The following RALGPS1 variants were observed in gnomAD, a reference collection of about 807,000 sequenced individuals.
RALGPS1 encodes the protein Ral GEF with PH domain and SH3 binding motif 1.
A neutral mutation model predicts 78.8 loss-of-function variants in RALGPS1; 19 were observed. That is an observed-to-expected ratio of 0.24 (90% CI 0.17 to 0.35). The LOEUF is 0.35. Among genes scored for constraint, RALGPS1 ranks in the 10% least tolerant of loss-of-function variants. The pLI, the probability that RALGPS1 is intolerant of heterozygous loss-of-function variation, is 1.00. For synonymous variants in RALGPS1, 228 were observed against 256.3 expected, an observed-to-expected ratio of 0.89 and a Z score of 1.06; for missense variants, 454 against 688.3, an observed-to-expected ratio of 0.66 and a Z score of 3.81.
At chr9:126,996,586 C>G (rs990850281) in intron 4 of RALGPS1, among the ~76,000 whole-genome samples, 59 of 152,230 alleles carry the variant, frequency 3.9e-4, no homozygotes, top group Non-Finnish European at 3.4e-4. Context: ...GATTCACAGC[C>G]GAATTCTACC....
intron 8 of RALGPS1, among the ~76,000 whole-genome samples, chr9:127,096,413 C>T (rs1270131101): frequency 1.3e-5 from 2 of 152,186 alleles, no homozygotes; most frequent in Admixed American, 1.3e-4. Context: ...CAAAATAACG[C>T]CCACTGAGAG....
intron 5 of RALGPS1, among the ~76,000 whole-genome samples, chr9:127,048,834 G>GA (rs1184974229): frequency 1.3e-5 from 2 of 152,042 alleles, no homozygotes; most frequent in African/African-American, 2.4e-5. Flanking sequence ...CAATTCCTTG[G>GA]AAAAAAATGA....
At position 127,201,231 on chromosome 9, in the gene RALGPS1, A is replaced by G. The variant is rs180672472; in HGVS notation, c.1247+2165A>G. Among the ~76,000 whole-genome samples, 161 of 152,344 alleles carry G rather than the reference A, an allele frequency of 1.1e-3. 1 individual carries two copies. The highest frequency in any genetic ancestry group is 3.4e-3 in the Middle Eastern group (1 of 294). ...GGGATCTCTTCCAAGCACTGGTCTCATGGCTGGCGCAGATGCCCGGCTCTG... is the reference window on the plus strand; with the variant it reads ...GGGATCTCTTCCAAGCACTGGTCTCGTGGCTGGCGCAGATGCCCGGCTCTG... On this transcript the variant is annotated intron_variant, in intron 14 of 18. Transcript: ENST00000259351.
In RALGPS1 at chr9:127,093,792, C is replaced by T. The variant is rs144644108; in HGVS notation, c.610+24436C>T. The T allele has an allele frequency of 6.6e-5, 107 of 1,613,960 alleles. No individual in the cohort carries two copies. Among genetic ancestry groups the T allele is most frequent in the Middle Eastern group, 3.3e-4 (2 of 6,084 alleles). ...GAGCCATCCAGGCGTCTCTGGATGACGGTCCAGCCCCCGGGGTCGTGTCTC... is the reference window on the plus strand; with the variant it reads ...GAGCCATCCAGGCGTCTCTGGATGATGGTCCAGCCCCCGGGGTCGTGTCTC... On this transcript the variant is annotated intron_variant, in intron 8 of 18. Transcript: ENST00000259351.
intron 8 of RALGPS1, among the ~76,000 whole-genome samples, chr9:127,077,499 G>T (rs2136054514): frequency 6.6e-6 from 1 of 152,358 alleles, no homozygotes; most frequent in Non-Finnish European, 1.5e-5. Context: ...AGCCAAGGAT[G>T]CGGCAGAGCT....
chr9:127,124,564 G>C (rs1355934566), intron 8 of RALGPS1, among the ~76,000 whole-genome samples: 11 of 152,174 alleles, frequency 7.2e-5, no homozygotes, highest in African/African-American at 2.4e-4. Flanking sequence ...TAAGATGGTG[G>C]TTTTAGGCCG....
intron 8 of RALGPS1, among the ~76,000 whole-genome samples, chr9:127,115,137 C>G (rs143545712): frequency 6.6e-6 from 1 of 152,242 alleles, no homozygotes; most frequent in Non-Finnish European, 1.5e-5. Flanking sequence ...AGTAGGGGAC[C>G]ATACATCCTG....
At chr9:127,157,605 T>C (rs548421185) in intron 8 of RALGPS1, among the ~76,000 whole-genome samples, 1 of 152,122 alleles carries the variant, frequency 6.6e-6, no homozygotes, top group Non-Finnish European at 1.5e-5. Flanking sequence ...TTTGCTGTTA[T>C]TGTAAATTGC....
At chr9:127,152,792 G>A (rs1248538828) in intron 8 of RALGPS1, among the ~76,000 whole-genome samples, 1 of 152,122 alleles carries the variant, frequency 6.6e-6, no homozygotes, top group Non-Finnish European at 1.5e-5. Context: ...CCAGAAACTG[G>A]TCTGTACCCC....
chr9:126,943,365 ACTC>A (rs1317866013), intron 1 of RALGPS1, among the ~76,000 whole-genome samples: 1 of 151,928 alleles, frequency 6.6e-6, no homozygotes, highest in Non-Finnish European at 1.5e-5. Flanking sequence ...CTGGTTGTGA[ACTC>A]CTGACCTCAA....
At chr9:126,958,127 A>T (rs1163471404) in intron 1 of RALGPS1, among the ~76,000 whole-genome samples, 2 of 36,372 alleles carry the variant, frequency 5.5e-5, no homozygotes, top group Non-Finnish European at 1.4e-4. Flanking sequence ...CTGTCTCTTT[A>T]AAAAAAAAAA....
At chr9:126,922,353 T>G (rs2034851222) in intron 1 of RALGPS1, among the ~76,000 whole-genome samples, 1 of 152,178 alleles carries the variant, frequency 6.6e-6, no homozygotes, top group Non-Finnish European at 1.5e-5. Context: ...TCATCTGAGA[T>G]GAAAGGAAGA....
chr9:127,117,230 T>C (rs546633345), intron 8 of RALGPS1, among the ~76,000 whole-genome samples: 1 of 152,318 alleles, frequency 6.6e-6, no homozygotes, highest in South Asian at 2.1e-4. Context: ...AGCTCACAAG[T>C]GCAGCTGTGG....
intron 5 of RALGPS1, among the ~76,000 whole-genome samples, chr9:127,047,839 TTTC>T (rs1360576351): frequency 3.3e-5 from 5 of 152,326 alleles, no homozygotes; most frequent in Non-Finnish European, 7.3e-5. Context: ...TATTCCTTGT[TTTC>T]TTCATCAAAC....
At chr9:126,979,953 CT>C (rs1481635121) in intron 4 of RALGPS1, among the ~76,000 whole-genome samples, 3 of 152,094 alleles carry the variant, frequency 2.0e-5, no homozygotes, top group Non-Finnish European at 2.9e-5. Flanking sequence ...CTAATCAGCC[CT>C]ATTTTGTAAA....
At chr9:126,919,569 A>G (rs2034540551) in intron 1 of RALGPS1, among the ~76,000 whole-genome samples, 1 of 152,164 alleles carries the variant, frequency 6.6e-6, no homozygotes, top group Non-Finnish European at 1.5e-5. Flanking sequence ...TAGTTTCCAT[A>G]TCTGTAAAAT....
intron 4 of RALGPS1, among the ~76,000 whole-genome samples, chr9:127,021,426 TG>T (rs2045430896): frequency 6.6e-6 from 1 of 150,652 alleles, no homozygotes; most frequent in Non-Finnish European, 1.5e-5. Flanking sequence ...GCTTGAATCC[TG>T]GAGGTGGAGG....
At chr9:126,924,146 A>AT (rs1486631192) in intron 1 of RALGPS1, among the ~76,000 whole-genome samples, 3 of 152,230 alleles carry the variant, frequency 2.0e-5, no homozygotes, top group African/African-American at 7.2e-5. Flanking sequence ...ACATGTCCAT[A>AT]TGCATGTAAC....
At chr9:127,217,009 G>C (rs1461442368) in intron 18 of RALGPS1, 8 of 1,524,712 alleles carry the variant, frequency 5.2e-6, no homozygotes, top group Middle Eastern at 1.8e-4. Flanking sequence ...TGAAGCCTGG[G>C]CACCATGGTG....
Sources: gnomAD v4.1 joint callset for allele counts (sites outside exome capture counted in the v4.1 genomes callset) on GRCh38, gnomAD v4.1.1 for gene constraint, MANE v1.5 for transcripts, NCBI Gene and HGNC (gene_info 2026-07-23, HGNC 2026-07-21) for gene names.